The following CLASP1 variants were observed in gnomAD, a reference collection of about 807,000 sequenced individuals.
CLASP1 encodes the protein CLIP-associating protein 1.
CLASP1 carries 38 observed loss-of-function variants against 192.3 expected under a neutral mutation model. That is an observed-to-expected ratio of 0.20 (90% CI 0.15 to 0.26). The LOEUF (loss-of-function observed/expected upper bound fraction) is 0.26. CLASP1 is among the 10% of genes least tolerant of loss of function. The probability of loss-of-function intolerance (pLI) is 1.00; values close to 1 mark genes in which losing one functional copy is unlikely to be tolerated. For synonymous variants in CLASP1, 691 were observed against 712.8 expected (o/e 0.97, Z 0.49); for missense variants, 1,433 against 1,932.5 (o/e 0.74, Z 4.85).
chr2:121,367,005 A>G (rs973436076), intron 35 of CLASP1, among the ~76,000 whole-genome samples: 1 of 152,192 alleles, frequency 6.6e-6, no homozygotes, highest in Non-Finnish European at 1.5e-5. Flanking sequence ...CTGACCCCAT[A>G]CTTAGCTTGG....
chr2:121,601,592 G>T (rs185166251), intron 2 of CLASP1, among the ~76,000 whole-genome samples: 3 of 152,118 alleles, frequency 2.0e-5, no homozygotes, highest in Non-Finnish European at 4.4e-5. Flanking sequence ...TTAAGAACTA[G>T]AACAGTACAA....
At chr2:121,638,984 T>C (rs2071472011) in intron 1 of CLASP1, among the ~76,000 whole-genome samples, 1 of 151,944 alleles carries the variant, frequency 6.6e-6, no homozygotes, top group Non-Finnish European at 1.5e-5. Flanking sequence ...TGGAGTACAC[T>C]GCGCAAATGG....
chr2:121,587,248 G>C (rs2061824796), intron 2 of CLASP1, among the ~76,000 whole-genome samples: 1 of 151,238 alleles, frequency 6.6e-6, no homozygotes, highest in African/African-American at 2.4e-5. Context: ...TTCAAAAAAA[G>C]AAAAAAAAGG....
chr2:121,483,396 G>A (rs957795503), intron 8 of CLASP1, among the ~76,000 whole-genome samples: 1 of 152,082 alleles, frequency 6.6e-6, no homozygotes, highest in African/African-American at 2.4e-5. Flanking sequence ...TTAGGAATCT[G>A]AAGGTTTTTC....
chr2:121,621,586 T>C (rs67192357), intron 1 of CLASP1, among the ~76,000 whole-genome samples: 36,198 of 152,180 alleles, frequency 0.24, 6,537 homozygotes, highest in African/African-American at 0.5. Flanking sequence ...CTCCACCTAA[T>C]TGTCCTTGCA....
At chr2:121,533,640 G>A (rs1346810202) in intron 2 of CLASP1, among the ~76,000 whole-genome samples, 5 of 152,214 alleles carry the variant, frequency 3.3e-5, no homozygotes, top group African/African-American at 7.2e-5. Context: ...CTAAAGTCAC[G>A]AATAAAAGTC....
intron 2 of CLASP1, among the ~76,000 whole-genome samples, chr2:121,566,430 C>CA (rs1164287225): frequency 6.6e-6 from 1 of 152,166 alleles, no homozygotes; most frequent in African/African-American, 2.4e-5. Flanking sequence ...TAAGTGGAAA[C>CA]AACTTGGTCC....
At chr2:121,506,701 A>G (rs1420051806) in intron 7 of CLASP1, among the ~76,000 whole-genome samples, 1 of 152,208 alleles carries the variant, frequency 6.6e-6, no homozygotes, top group Non-Finnish European at 1.5e-5. Context: ...AGGAAGACAG[A>G]GGTGCAAAAC....
chr2:121,590,866 G>C (rs1576293008), intron 2 of CLASP1, among the ~76,000 whole-genome samples: 1 of 141,774 alleles, frequency 7.1e-6, no homozygotes, highest in Admixed American at 7.0e-5. Context: ...AAAATTATTT[G>C]ATTTTTTTTT....
intron 32 of CLASP1, among the ~76,000 whole-genome samples, chr2:121,384,965 T>G (rs2072866666): frequency 1.3e-5 from 2 of 152,128 alleles, no homozygotes; most frequent in South Asian, 4.1e-4. Context: ...TAACACTGTC[T>G]GGTCAAGATA....
At chr2:121,508,919 GAGTC>G (rs1183674559) in intron 7 of CLASP1, among the ~76,000 whole-genome samples, 3 of 152,220 alleles carry the variant, frequency 2.0e-5, no homozygotes, top group Non-Finnish European at 2.9e-5. Flanking sequence ...AATAGTAAAA[GAGTC>G]AGTGCTCAGG....
At chr2:121,595,366 C>T (rs1198758837) in intron 2 of CLASP1, among the ~76,000 whole-genome samples, 1 of 152,222 alleles carries the variant, frequency 6.6e-6, no homozygotes, top group Non-Finnish European at 1.5e-5. Context: ...GTGTCTAGCA[C>T]ATAATGGCGC....
intron 23 of CLASP1, among the ~76,000 whole-genome samples, 38 bp from the exon 24 acceptor site, chr2:121,414,241 C>G (rs2149527603): frequency 6.6e-6 from 1 of 152,260 alleles, no homozygotes; most frequent in Middle Eastern, 3.4e-3. Flanking sequence ...ACAGGATTAA[C>G]ACAGAAGTAC....
rs1453725347 is a variant in CLASP1 at position 121,441,252 on chromosome 2, AAAGT to A, written c.1912+6081_1912+6084del. Among the ~76,000 whole-genome samples the A allele has an allele frequency of 7.9e-5, 12 of 152,362 alleles. No homozygotes were observed. In the East Asian group the frequency reaches 2.1e-3, roughly 27 times the overall value. On this transcript the variant is annotated intron_variant, in intron 19 of 39. Transcript: ENST00000263710. The stretch of plus-strand genomic sequence containing the variant: ...CAGATTATAAAATTAAAAGGTCTTC[AAAGT>A]AAGTCTCTGTTCTCATCACACTGGG...
intron 22 of CLASP1, among the ~76,000 whole-genome samples, chr2:121,424,819 A>T (rs2080107479): frequency 6.6e-6 from 1 of 152,228 alleles, no homozygotes; most frequent in Non-Finnish European, 1.5e-5. Flanking sequence ...AGTAAAAGGA[A>T]AATGAAAAGC....
chr2:121,391,370 G>A (rs1254863054), intron 30 of CLASP1, among the ~76,000 whole-genome samples: 1 of 152,160 alleles, frequency 6.6e-6, no homozygotes, highest in Non-Finnish European at 1.5e-5. Flanking sequence ...AGGAAAGTTG[G>A]GAGGATTGAA....
In CLASP1 at chr2:121,408,486, C is replaced by T. The variant is rs555433668; in HGVS notation, c.2425-771G>A. ...CAAATATGATATAGCAGCAACTATA[C>T]AAAATTGATAAAAACAAAACAAATA... On this transcript the variant is annotated intron_variant, in intron 24 of 39. Coordinates refer to ENST00000263710, the Ensembl canonical transcript of CLASP1. Among the ~76,000 whole-genome samples, 15 of 152,294 alleles carry T rather than the reference C, an allele frequency of 9.8e-5. 1 individual carries two copies. The highest frequency in any genetic ancestry group is 3.4e-4 in the African/African-American group (14 of 41,564).
chr2:121,579,044 T>C (rs1559666985), intron 2 of CLASP1, among the ~76,000 whole-genome samples: 2 of 152,226 alleles, frequency 1.3e-5, no homozygotes, highest in Non-Finnish European at 2.9e-5. Context: ...AGCCCCATAA[T>C]GTATCTTCTG....
intron 2 of CLASP1, among the ~76,000 whole-genome samples, chr2:121,569,642 C>T (rs886108558): frequency 6.6e-6 from 1 of 151,650 alleles, no homozygotes; most frequent in African/African-American, 2.4e-5. Flanking sequence ...CACCTGAGAT[C>T]AGGAGTTTGA....
Sources: gnomAD v4.1 joint callset for allele counts (sites outside exome capture counted in the v4.1 genomes callset) on GRCh38, gnomAD v4.1.1 for gene constraint, MANE v1.5 for transcripts, NCBI Gene and HGNC (gene_info 2026-07-23, HGNC 2026-07-21) for gene names.